The following OPCML variants were observed in gnomAD, a reference collection of about 807,000 sequenced individuals.
OPCML encodes opioid binding protein/cell adhesion molecule like.
In OPCML, 13 loss-of-function variants were observed where a neutral mutation model predicts 37.8. That is an observed-to-expected ratio of 0.34 (90% CI 0.22 to 0.55). The LOEUF is 0.55. Among genes scored for constraint, OPCML ranks in the 20% least tolerant of loss-of-function variants. The pLI, the probability that OPCML is intolerant of heterozygous loss-of-function variation, is 0.91. For missense variants in OPCML, 341 were observed against 435.6 expected (o/e 0.78, Z 1.93); for synonymous variants, 176 against 168.8 (o/e 1.04, Z -0.33).
Position 132,531,520 on chromosome 11 carries a change from A to G in OPCML, c.380-2334T>C, listed in dbSNP as rs1378164981. ...TTTACGCTGCTGAGACCTTACAGGT[A>G]AGTCTTTTCAAGGAGAAGCCAAGAG... On this transcript the variant is annotated intron_variant, in intron 3 of 7. Coordinates refer to ENST00000524381, the MANE Select transcript of OPCML (RefSeq NM_001012393.5). 2.0e-5 allele frequency among the ~76,000 whole-genome samples: 3 copies of G among 152,234 alleles called. No homozygotes were observed. The South Asian group carries it at 6.2e-4, about 32-fold the overall frequency.
At chr11:133,093,283 C>A (rs1271753041) in intron 1 of OPCML, among the ~76,000 whole-genome samples, 1 of 147,594 alleles carries the variant, frequency 6.8e-6, no homozygotes, top group Non-Finnish European at 1.5e-5. Context: ...TTTCCATTTT[C>A]ATTCTTTTTT....
At chr11:132,621,839 A>G (rs1019985261) in intron 3 of OPCML, among the ~76,000 whole-genome samples, 2 of 152,204 alleles carry the variant, frequency 1.3e-5, no homozygotes, top group Non-Finnish European at 2.9e-5. Context: ...CCATGAAAAC[A>G]TATGGATAAG....
intron 1 of OPCML, among the ~76,000 whole-genome samples, chr11:133,032,479 G>A (rs965756896): frequency 6.6e-6 from 1 of 152,186 alleles, no homozygotes; most frequent in Non-Finnish European, 1.5e-5. Flanking sequence ...GCACATGCTT[G>A]TATTGGTTTT....
chr11:132,494,053 C>G (rs374028433), intron 4 of OPCML, among the ~76,000 whole-genome samples: 3 of 152,224 alleles, frequency 2.0e-5, no homozygotes, highest in African/African-American at 7.2e-5. Context: ...CCTTTGGCAG[C>G]CTTACAGGCC....
chr11:133,048,266 C>T (rs1023100646), intron 1 of OPCML, among the ~76,000 whole-genome samples: 1 of 152,114 alleles, frequency 6.6e-6, no homozygotes, highest in African/African-American at 2.4e-5. Flanking sequence ...TCCATCTTAT[C>T]AGAGAAGAAA....
intron 1 of OPCML, among the ~76,000 whole-genome samples, chr11:133,273,868 G>A (rs1329558319): frequency 6.6e-6 from 1 of 152,162 alleles, no homozygotes; most frequent in Non-Finnish European, 1.5e-5. Flanking sequence ...GTGAGGAATT[G>A]GAAGACCATG....
chr11:132,868,483 T>C (rs1942661737), intron 2 of OPCML, among the ~76,000 whole-genome samples: 1 of 151,716 alleles, frequency 6.6e-6, no homozygotes, highest in Non-Finnish European at 1.5e-5. Context: ...TTTATGTCAA[T>C]GGGCACTTTC....
At chr11:132,987,315 A>C (rs11223316) in intron 1 of OPCML, among the ~76,000 whole-genome samples, 22,824 of 152,170 alleles carry the variant, frequency 0.15, 1,967 homozygotes, top group Non-Finnish European at 0.19. Flanking sequence ...CTGAGGAGCC[A>C]GGCAATGGAG....
rs61282644 is a variant in OPCML at position 132,649,928 on chromosome 11, TACAC to T, written c.379+7155_379+7158del. 9.9e-3 allele frequency among the ~76,000 whole-genome samples: 1,470 copies of T among 147,838 alleles called. 18 individuals carry two copies. Among genetic ancestry groups the T allele is most frequent in the African/African-American group, 0.024 (977 of 40,366 alleles). On this transcript the variant is annotated intron_variant, in intron 3 of 7. Transcript: ENST00000524381. ...ATGCCCTCACACATACACGCACTGT[TACAC>T]ACACACACACACACACACACAGTTT...
chr11:132,577,976 A>C (rs747436357), intron 3 of OPCML, among the ~76,000 whole-genome samples: 5 of 152,188 alleles, frequency 3.3e-5, no homozygotes, highest in Non-Finnish European at 5.9e-5. Context: ...GTCCCCTTAG[A>C]GCCCAACAGG....
chr11:133,147,434 C>T (rs1425184949), intron 1 of OPCML, among the ~76,000 whole-genome samples: 2 of 152,040 alleles, frequency 1.3e-5, no homozygotes, highest in African/African-American at 4.8e-5. Flanking sequence ...AGACAGGACA[C>T]GGAGAAAGCC....
intron 1 of OPCML, among the ~76,000 whole-genome samples, chr11:133,317,264 C>T (rs997937866): frequency 6.6e-6 from 1 of 152,116 alleles, no homozygotes; most frequent in Non-Finnish European, 1.5e-5. Context: ...CATTATTCTA[C>T]GATCCTCTAA....
chr11:133,070,450 T>G (rs995499205), intron 1 of OPCML, among the ~76,000 whole-genome samples: 3 of 152,258 alleles, frequency 2.0e-5, no homozygotes, highest in Non-Finnish European at 4.4e-5. Flanking sequence ...CAGCATCGCC[T>G]GGGAGAAAGT....
rs541548791 is a variant in OPCML, at chr11:132,586,180, G to A, written c.380-56994C>T. On this transcript the variant is annotated intron_variant, in intron 3 of 7. Coordinates refer to ENST00000524381, the MANE Select transcript of OPCML (RefSeq NM_001012393.5). ...TGCCTATTAACAGCTACCATAGTCG[G>A]GAAGCCCAAGTGGAAATCTTTGTAC... Among the ~76,000 whole-genome samples, 4 of 152,260 alleles carry A rather than the reference G, an allele frequency of 2.6e-5. No individual in the cohort carries two copies. The East Asian group carries it at 7.7e-4, about 29-fold the overall frequency.
chr11:132,968,307 C>G (rs776758382), intron 1 of OPCML, among the ~76,000 whole-genome samples: 8 of 152,066 alleles, frequency 5.3e-5, no homozygotes, highest in Non-Finnish European at 1.2e-4. Flanking sequence ...CAAAACATTT[C>G]TTACAGTTCT....
intron 1 of OPCML, among the ~76,000 whole-genome samples, chr11:133,262,571 G>A (rs1941526168): frequency 6.6e-6 from 1 of 152,166 alleles, no homozygotes; most frequent in Non-Finnish European, 1.5e-5. Context: ...ACAGCAGTGA[G>A]CCGGCAGATG....
At position 132,863,269 on chromosome 11, in the gene OPCML, A is replaced by C. The variant is rs549835886; in HGVS notation, c.146+79657T>G. ...AGGCTGGCCTTTTGCAGTGACCACA[A>C]GTATAGTTGCATGAATTAATATACA... On this transcript the variant is annotated intron_variant, in intron 2 of 7. Coordinates refer to ENST00000524381, the MANE Select transcript of OPCML (RefSeq NM_001012393.5). Among the ~76,000 whole-genome samples, 9 of 152,320 alleles carry C rather than the reference A, an allele frequency of 5.9e-5. No homozygotes were observed. In the South Asian group the frequency reaches 8.3e-4, roughly 14 times the overall value.
At chr11:133,003,862 G>A (rs992323190) in intron 1 of OPCML, 18 of 985,198 alleles carry the variant, frequency 1.8e-5, no homozygotes, top group African/African-American at 1.0e-4. Flanking sequence ...GCCATCCACC[G>A]TGTGCCCTCG....
At chr11:132,836,821 G>T (rs1481386879) in intron 2 of OPCML, among the ~76,000 whole-genome samples, 1 of 152,154 alleles carries the variant, frequency 6.6e-6, no homozygotes, top group Non-Finnish European at 1.5e-5. Flanking sequence ...AGAGCAGGGG[G>T]TGGTGCTGTG....
Sources: allele counts gnomAD v4.1 joint callset (sites outside exome capture counted in the v4.1 genomes callset), GRCh38; gene constraint gnomAD v4.1.1; transcripts MANE v1.5; gene names NCBI Gene and HGNC (gene_info 2026-07-23, HGNC 2026-07-21).